Variants in DNAH6 observed in about 807,000 individuals in gnomAD.
The protein encoded by DNAH6 is axonemal beta dynein heavy chain 6.
A neutral mutation model predicts 491.4 loss-of-function variants in DNAH6; 340 were observed. The ratio of observed to expected loss-of-function variants is 0.69; its 90% CI spans 0.63 to 0.76. DNAH6 has a LOEUF of 0.76. Ranked by LOEUF, DNAH6 falls within the 30% of genes least tolerant of loss-of-function variation. The probability of loss-of-function intolerance (pLI) is 0.00; values close to 1 mark genes in which losing one functional copy is unlikely to be tolerated. For missense variants in DNAH6, 4,443 were observed against 4,972.2 expected (o/e 0.89, Z 3.20); for synonymous variants, 1,603 against 1,686.1 (o/e 0.95, Z 1.21).
the DNAH6 span, among the ~76,000 whole-genome samples, chr2:84,495,789 G>T: frequency 6.6e-6 from 1 of 152,132 alleles, no homozygotes; most frequent in African/African-American, 2.4e-5. Flanking sequence ...TAAGCAGCCC[G>T]TGACTTATGC....
At chr2:84,605,352 C>CAAA (rs5832617) in intron 19 of DNAH6, 148 bp from the exon 20 acceptor site, 45 of 337,266 alleles carry the variant, frequency 1.3e-4, no homozygotes, top group Middle Eastern at 8.8e-4. Context: ...GACTCTATCT[C>CAAA]AAAAAAAAAA....
At chr2:84,744,745 T>C (rs1402584183) in intron 62 of DNAH6, among the ~76,000 whole-genome samples, 1 of 152,192 alleles carries the variant, frequency 6.6e-6, no homozygotes, top group African/African-American at 2.4e-5. Context: ...TTAATTATGT[T>C]TGCTTTGAAT....
intron 54 of DNAH6, among the ~76,000 whole-genome samples, chr2:84,708,979 C>G (rs1283007803): frequency 1.3e-5 from 2 of 152,210 alleles, no homozygotes; most frequent in Non-Finnish European, 2.9e-5. Context: ...TGCTTGTACA[C>G]CCTCAGTCAT....
chr2:84,641,473 A>G (rs1033389451), intron 32 of DNAH6, among the ~76,000 whole-genome samples: 1 of 152,212 alleles, frequency 6.6e-6, no homozygotes, highest in African/African-American at 2.4e-5. Context: ...ATGTGTAGTC[A>G]TGTAGCTGCA....
the DNAH6 span, among the ~76,000 whole-genome samples, chr2:84,506,653 T>G: frequency 6.6e-6 from 1 of 151,938 alleles, no homozygotes; most frequent in Admixed American, 6.6e-5. Context: ...CATGCCTATG[T>G]CCTGAATGGT....
At position 84,579,760 on chromosome 2, in the gene DNAH6, C is replaced by T. The variant is rs191751392; in HGVS notation, c.2229+81C>T. The T allele has an allele frequency of 2.0e-4, 244 of 1,234,520 alleles. 1 individual carries two copies. The highest frequency in any genetic ancestry group is 1.4e-3 in the African/African-American group (90 of 65,476). The allele number at this position is 1,234,520 out of a possible 1,614,324, so 76.5% of individuals were successfully genotyped here. ...ACATAGGACAAGAAAAAGTGAAGGACTAAGGGGCAAAAGACAGCTGTCAAA... is the reference window on the plus strand; with the variant it reads ...ACATAGGACAAGAAAAAGTGAAGGATTAAGGGGCAAAAGACAGCTGTCAAA... On this transcript the variant is annotated intron_variant, in intron 14 of 76. Coordinates refer to ENST00000389394, the MANE Select transcript of DNAH6 (RefSeq NM_001370.2).
At chr2:84,619,941 CT>C in intron 24 of DNAH6, 37 bp downstream of exon 24, 1 of 1,485,160 alleles carries the variant, frequency 6.7e-7, no homozygotes, top group South Asian at 1.2e-5. Context: ...TATTGATGAA[CT>C]TTGCTACTCC....
At chr2:84,786,740 G>A (rs959535629) in intron 67 of DNAH6, among the ~76,000 whole-genome samples, 3 of 152,160 alleles carry the variant, frequency 2.0e-5, no homozygotes, top group Non-Finnish European at 4.4e-5. Flanking sequence ...ATGATTCTGT[G>A]TGTGGCATAA....
At chr2:84,554,198 A>G (rs183734391) in intron 10 of DNAH6, among the ~76,000 whole-genome samples, 1 of 152,328 alleles carries the variant, frequency 6.6e-6, no homozygotes, top group Admixed American at 6.5e-5. Context: ...CTTTCACTTG[A>G]TTCAGTCACA....
At chr2:84,605,637 A>G in intron 20 of DNAH6, 45 bp downstream of exon 20, 1 of 1,244,628 alleles carries the variant, frequency 8.0e-7, no homozygotes, top group Non-Finnish European at 1.1e-6. Context: ...GATCCCAGCC[A>G]CACCTAGTCT....
At chr2:84,551,876 C>T (rs1293287708) in intron 9 of DNAH6, among the ~76,000 whole-genome samples, 2 of 151,982 alleles carry the variant, frequency 1.3e-5, no homozygotes, top group Non-Finnish European at 2.9e-5. Context: ...GGTGAAACGC[C>T]ATCTCTACCA....
chr2:84,472,400 G>A, the DNAH6 span, among the ~76,000 whole-genome samples: 2 of 151,666 alleles, frequency 1.3e-5, no homozygotes, highest in Non-Finnish European at 2.9e-5. Flanking sequence ...ACAAAAGCAA[G>A]ATAAAAGATG....
At chr2:84,544,130 C>T in intron 4 of DNAH6, 103 bp from the exon 5 acceptor site, 1 of 575,188 alleles carries the variant, frequency 1.7e-6, no homozygotes. Context: ...ATAATATTTG[C>T]TTTCCAGAAA....
intron 15 of DNAH6, 96 bp from the exon 16 acceptor site, chr2:84,588,730 A>G: frequency 8.8e-7 from 1 of 1,134,434 alleles, no homozygotes; most frequent in Non-Finnish European, 1.2e-6. Context: ...GAAAAGAGAA[A>G]GGAATCTTTT....
chr2:84,796,298 C>A lies in DNAH6; in HGVS notation c.11240-8C>A. On this transcript the variant is annotated splice_region_variant and splice_polypyrimidine_tract_variant and intron_variant, in intron 68 of 76. Transcript: ENST00000389394. ...AGCAATAATTTCAAAATACAAATTTCTTTTCAGGTGAAATTACTTATGGTG... is the reference window on the plus strand; with the variant it reads ...AGCAATAATTTCAAAATACAAATTTATTTTCAGGTGAAATTACTTATGGTG... 2 of 1,452,674 alleles carry A rather than the reference C, an allele frequency of 1.4e-6. No homozygotes were observed. 90.0% of individuals were successfully genotyped at this position (1,452,674 alleles called of 1,614,324 possible).
the DNAH6 span, among the ~76,000 whole-genome samples, chr2:84,481,468 G>A: frequency 6.6e-6 from 1 of 152,276 alleles, no homozygotes; most frequent in African/African-American, 2.4e-5. Flanking sequence ...TCACTAACAT[G>A]TGGAAAAGAA....
the DNAH6 span, among the ~76,000 whole-genome samples, chr2:84,511,014 G>A: frequency 5.3e-5 from 8 of 152,278 alleles, 1 homozygote; most frequent in South Asian, 4.1e-4. Flanking sequence ...TGGGCTACTC[G>A]GGGGTCAGGG....
At chr2:84,542,559 A>G (rs1170740401) in intron 4 of DNAH6, among the ~76,000 whole-genome samples, 1 of 152,118 alleles carries the variant, frequency 6.6e-6, no homozygotes, top group Admixed American at 6.6e-5. Context: ...TTCCTCTCCC[A>G]CTTCGCACAG....
chr2:84,708,743 A>AT (rs1023350914), intron 54 of DNAH6, among the ~76,000 whole-genome samples: 3 of 152,186 alleles, frequency 2.0e-5, no homozygotes, highest in Non-Finnish European at 2.9e-5. Context: ...AATTTTAGTC[A>AT]TTTTTTTGAA....
Sources: allele counts gnomAD v4.1 joint callset (sites outside exome capture counted in the v4.1 genomes callset), GRCh38; gene constraint gnomAD v4.1.1; transcripts MANE v1.5; gene names NCBI Gene and HGNC (gene_info 2026-07-23, HGNC 2026-07-21).